Variants in SCAMP3 observed in about 807,000 individuals in gnomAD.
SCAMP3 encodes secretory carrier membrane protein 3, also known as secretory carrier-associated membrane protein 3.
In SCAMP3, 30 loss-of-function variants were observed where a neutral mutation model predicts 44.1. The observed-to-expected ratio is 0.68, with a 90% CI of 0.51 to 0.92. The LOEUF is 0.92. Ranked by LOEUF, SCAMP3 falls within the 40% of genes least tolerant of loss-of-function variation. The pLI, the probability that SCAMP3 is intolerant of heterozygous loss-of-function variation, is 0.00. For synonymous variants in SCAMP3, 168 were observed against 171.1 expected (o/e 0.98, Z 0.14); for missense variants, 394 against 440.0 (o/e 0.90, Z 0.93).
chr1:155,257,586 C>T lies in SCAMP3; in HGVS notation c.589G>A (p.Ala197Thr), dbSNP rs781660696. ...CAGAGGATAGAAAGCCCAAAGCCTG[C>T]GCCATTGTTGGTTTCCACACAGAAG... ...ASFCVETNNG[A>T]GFGLSILWVL... Residue 197 changes from alanine to threonine, a missense_variant, in exon 6 of 9, where the codon GCA becomes ACA. Ala to Thr is a moderately conservative substitution (Grantham distance 58). Coordinates refer to ENST00000302631, the MANE Select transcript of SCAMP3 (RefSeq NM_005698.4). 10 of 1,597,474 alleles carry T rather than the reference C, an allele frequency of 6.3e-6. No individual in the cohort carries two copies. Among genetic ancestry groups the T allele is most frequent in the Admixed American group, 5.2e-5 (3 of 57,626 alleles).
At chr1:155,256,565 A>G (rs1241136142) in intron 8 of SCAMP3, 109 bp downstream of exon 8, 5 of 1,353,796 alleles carry the variant, frequency 3.7e-6, no homozygotes, top group Non-Finnish European at 5.3e-6. Flanking sequence ...CCATTAGCTG[A>G]GAACAACCCA....
In SCAMP3 at chr1:155,260,641, G is replaced by T; in HGVS notation, c.163C>A (p.Pro55Thr). 6.2e-7 allele frequency: 1 copy of T among 1,612,056 alleles called. No individual in the cohort carries two copies. Among genetic ancestry groups the T allele is most frequent in the Non-Finnish European group, 8.5e-7 (1 of 1,178,962 alleles). The change falls in exon 3 of 9, where the codon CCT becomes ACT. Residue 55 changes from proline (P) to threonine (T), a missense_variant. Pro to Thr is a conservative substitution (Grantham distance 38, BLOSUM62 -1). Transcript: ENST00000302631. ...ETREPPPAYE[P>T]PAPAPLPPPS... ...GGAGGCAATGGGGCAGGGGCTGGAGGCTCATAGGCTGGTGGTGGCTGTTGA... is the reference window on the plus strand; with the variant it reads ...GGAGGCAATGGGGCAGGGGCTGGAGTCTCATAGGCTGGTGGTGGCTGTTGA...
chr1:155,261,848 T>C (rs1322165531), intron 1 of SCAMP3, 114 bp from the exon 2 acceptor site: 1 of 1,020,004 alleles, frequency 9.8e-7, no homozygotes, highest in Non-Finnish European at 1.5e-6. Flanking sequence ...GGCCACGCCG[T>C]TGTCCCAGGA....
rs988410622 is a variant in SCAMP3, at chr1:155,257,736, T to C, written c.518-79A>G. On this transcript the variant is annotated intron_variant, in intron 5 of 8. Coordinates refer to ENST00000302631, the MANE Select transcript of SCAMP3 (RefSeq NM_005698.4). ...CTTCCCATCTATGCTCATCCTATAA[T>C]ATTCACCAAACATGGCAGAGTAAGG... 3.3e-5 allele frequency: 44 copies of C among 1,351,874 alleles called. No individual in the cohort carries two copies. In the Admixed American group the frequency reaches 7.8e-4, roughly 24 times the overall value. 83.7% of individuals were successfully genotyped at this position (1,351,874 alleles called of 1,614,324 possible).
Position 155,256,060 on chromosome 1 carries a change from C to T in SCAMP3, c.*213G>A. The T allele has an allele frequency of 2.3e-6, 1 of 427,624 alleles. No individual in the cohort carries two copies. Among genetic ancestry groups the T allele is most frequent in the Non-Finnish European group, 4.2e-6 (1 of 239,650 alleles). 26.5% of individuals were successfully genotyped at this position (427,624 alleles called of 1,614,324 possible). The stretch of plus-strand genomic sequence containing the variant: ...ACAGCAGAGGGAAGCTGGGTTGGGG[C>T]GTGTGAGAGGTGGCAGCAGTGTGGC... On this transcript the variant is annotated 3_prime_UTR_variant, in exon 9 of 9. Coordinates refer to ENST00000302631, the MANE Select transcript of SCAMP3 (RefSeq NM_005698.4).
rs1572004715 is a variant in SCAMP3 at position 155,259,630 on chromosome 1, GT to G, written c.389-677del. ...CCTGCCTGCCTCGGCCTCCCAAAGT[GT>G]TGGAATTACAGGCGTGAGGCACCAT... On this transcript the variant is annotated intron_variant, in intron 4 of 8. Coordinates refer to ENST00000302631, the MANE Select transcript of SCAMP3 (RefSeq NM_005698.4). Among the ~76,000 whole-genome samples the G allele has an allele frequency of 1.1e-4, 16 of 152,244 alleles. No homozygotes were observed. The South Asian group carries it at 3.3e-3, about 32-fold the overall frequency.
intron 2 of SCAMP3, 63 bp from the exon 3 acceptor site, chr1:155,260,722 T>C (rs1672937311): frequency 2.8e-6 from 4 of 1,427,638 alleles, no homozygotes; most frequent in South Asian, 2.7e-5. Flanking sequence ...TAGAGTCTGC[T>C]TGAATACCTT....
At position 155,257,587 on chromosome 1, in the gene SCAMP3, G is replaced by A. The variant is rs144211111; in HGVS notation, c.588C>T (p.Gly196=). The change falls in exon 6 of 9, where the codon GGC becomes GGT. Residue 196 remains glycine (G), a synonymous_variant. Coordinates refer to ENST00000302631, the MANE Select transcript of SCAMP3 (RefSeq NM_005698.4). ...LASFCVETNN[G]AGFGLSILWV... is the part of the protein sequence containing the mutation. ...AGAGGATAGAAAGCCCAAAGCCTGC[G>A]CCATTGTTGGTTTCCACACAGAAGC... 2.5e-4 allele frequency: 396 copies of A among 1,596,258 alleles called. No homozygotes were observed. The highest frequency in any genetic ancestry group is 1.1e-3 in the East Asian group (50 of 44,346).
chr1:155,256,883 A>G, intron 7 of SCAMP3, 92 bp from the exon 8 acceptor site: 2 of 931,688 alleles, frequency 2.1e-6, no homozygotes, highest in African/African-American at 3.2e-5. Flanking sequence ...CCTTCCCATC[A>G]GCAGTGGCTC....
chr1:155,256,096 G>C lies in SCAMP3; in HGVS notation c.*177C>G, dbSNP rs1052087084. 5.8e-6 allele frequency: 3 copies of C among 519,068 alleles called. No homozygotes were observed. The highest frequency in any genetic ancestry group is 6.6e-6 in the Non-Finnish European group (2 of 303,060). The allele number at this position is 519,068 out of a possible 1,614,324, so 32.2% of individuals were successfully genotyped here. On this transcript the variant is annotated 3_prime_UTR_variant, in exon 9 of 9. Coordinates refer to ENST00000302631, the MANE Select transcript of SCAMP3 (RefSeq NM_005698.4). ...TGGCAGCAGTGTGGCCTGATGGGGGGACTAGGTCACAGTGAACTCCCCACA... is the reference window on the plus strand; with the variant it reads ...TGGCAGCAGTGTGGCCTGATGGGGGCACTAGGTCACAGTGAACTCCCCACA...
chr1:155,260,126 G>T lies in SCAMP3; in HGVS notation c.388+204C>A, dbSNP rs192861810. Among the ~76,000 whole-genome samples, 8 of 152,016 alleles carry T rather than the reference G, an allele frequency of 5.3e-5. 1 individual carries two copies. The South Asian group carries it at 1.2e-3, about 24-fold the overall frequency. On this transcript the variant is annotated intron_variant, in intron 4 of 8. Transcript: ENST00000302631. ...GCCACCATGCCCAGCTAATTTTTGT[G>T]TGTGTGTATTTTTAGTAGATACAGG...
At position 155,259,064 on chromosome 1, in the gene SCAMP3, T is replaced by G. The variant is rs1672888360; in HGVS notation, c.389-110A>C. 7.4e-6 allele frequency: 8 copies of G among 1,075,954 alleles called. No individual in the cohort carries two copies. The South Asian group carries it at 1.4e-4, about 19-fold the overall frequency. The allele number at this position is 1,075,954 out of a possible 1,614,324, so 66.7% of individuals were successfully genotyped here. ...ATCCTCTCTTTTTTTTTTTTTTTTT[T>G]TTTTGAGATAGGGTCTCTGTTGTTC... On this transcript the variant is annotated intron_variant, in intron 4 of 8. Transcript: ENST00000302631.
Position 155,261,900 on chromosome 1 carries a change from A to G in SCAMP3, c.67-166T>C, listed in dbSNP as rs148249935. The G allele has an allele frequency of 1.5e-4, 121 of 800,768 alleles. No individual in the cohort carries two copies. The East Asian group carries it at 3.2e-3, about 21-fold the overall frequency. 49.6% of individuals were successfully genotyped at this position (800,768 alleles called of 1,614,324 possible). ...CTCAAATCCATCATCCAACACTGCCAGCACCAGCCCATTAAGGGGCAGGGC... is the reference window on the plus strand; with the variant it reads ...CTCAAATCCATCATCCAACACTGCCGGCACCAGCCCATTAAGGGGCAGGGC... On this transcript the variant is annotated intron_variant, in intron 1 of 8. Transcript: ENST00000302631.
chr1:155,257,749 T>C (rs1361614395), intron 5 of SCAMP3, 92 bp from the exon 6 acceptor site: 16 of 1,253,988 alleles, frequency 1.3e-5, no homozygotes, highest in African/African-American at 1.5e-5. Flanking sequence ...TCACCAAACA[T>C]GGCAGAGTAA....
intron 8 of SCAMP3, 26 bp downstream of exon 8, chr1:155,256,647 CG>C: frequency 6.3e-7 from 1 of 1,590,510 alleles, no homozygotes; most frequent in Non-Finnish European, 8.6e-7. Flanking sequence ...CTCACCATCC[CG>C]GCCCCACCTT....
Position 155,262,348 on chromosome 1 carries a change from C to A in SCAMP3, c.-197G>T. 1 of 584,974 alleles carries A rather than the reference C, an allele frequency of 1.7e-6. No homozygotes were observed. The highest frequency in any genetic ancestry group is 3.0e-6 in the Non-Finnish European group (1 of 331,004). The allele number at this position is 584,974 out of a possible 1,614,324, so 36.2% of individuals were successfully genotyped here. ...GTTGCGCCTGCGTCTTGTCCAAAAG[C>A]TAAGACGAAAGTGCCCCCACGTGAT... On this transcript the variant is annotated 5_prime_UTR_variant, in exon 1 of 9. Transcript: ENST00000302631.
At chr1:155,261,779 A>T in intron 1 of SCAMP3, 45 bp from the exon 2 acceptor site, 1 of 1,568,916 alleles carries the variant, frequency 6.4e-7, no homozygotes. Flanking sequence ...AGTGCCACCT[A>T]GGGGAATTCC....
Position 155,260,318 on chromosome 1 carries a change from T to C in SCAMP3, c.388+12A>G, listed in dbSNP as rs1265474556. 1.9e-6 allele frequency: 3 copies of C among 1,609,202 alleles called. No individual in the cohort carries two copies. The highest frequency in any genetic ancestry group is 1.7e-5 in the Admixed American group (1 of 59,992). Reference sequence around the variant, plus strand: ...CAAACTCTCAGATGCTCTTCCCCACTCTATTACTTACTAGCTGTGCCCCCC... The same window carrying C: ...CAAACTCTCAGATGCTCTTCCCCACCCTATTACTTACTAGCTGTGCCCCCC... On this transcript the variant is annotated intron_variant, in intron 4 of 8. Transcript: ENST00000302631.
chr1:155,258,775 C>A, intron 5 of SCAMP3, 51 bp downstream of exon 5: 1 of 1,535,536 alleles, frequency 6.5e-7, no homozygotes, highest in Non-Finnish European at 8.8e-7. Flanking sequence ...GACCCCAGGG[C>A]AGTTAAGAGA....
Sources: gnomAD v4.1 joint callset for allele counts (sites outside exome capture counted in the v4.1 genomes callset) on GRCh38, gnomAD v4.1.1 for gene constraint, MANE v1.5 for transcripts, NCBI Gene and HGNC (gene_info 2026-07-23, HGNC 2026-07-21) for gene names.